FSTL1: variants seen among roughly 807,000 people sequenced by gnomAD.
FSTL1 encodes the protein follistatin-related protein 1.
In FSTL1, 24 loss-of-function variants were observed where a neutral mutation model predicts 45.9. The ratio of observed to expected loss-of-function variants is 0.52; its 90% confidence interval spans 0.38 to 0.74. The LOEUF (loss-of-function observed/expected upper bound fraction) is 0.74. FSTL1 is among the 30% of genes least tolerant of loss of function. FSTL1 has a pLI of 0.00. For missense variants in FSTL1, 340 were observed against 381.8 expected (o/e 0.89, Z 0.91); for synonymous variants, 120 against 137.6 (o/e 0.87, Z 0.89).
At chr3:120,398,694 AAACT>A (rs1936756569) in intron 10 of FSTL1, among the ~76,000 whole-genome samples, 1 of 152,162 alleles carries the variant, frequency 6.6e-6, no homozygotes, top group Admixed American at 6.5e-5. Context: ...CTTCCCAAAT[AAACT>A]ATGTGTACTT....
At chr3:120,446,181 G>T (rs1414251816) in intron 2 of FSTL1, among the ~76,000 whole-genome samples, 1 of 152,198 alleles carries the variant, frequency 6.6e-6, no homozygotes, top group Admixed American at 6.5e-5. Context: ...TGTGATCACT[G>T]GTAATTTACA....
chr3:120,434,638 C>T (rs1329829562), intron 2 of FSTL1, among the ~76,000 whole-genome samples: 1 of 152,186 alleles, frequency 6.6e-6, no homozygotes, highest in Non-Finnish European at 1.5e-5. Context: ...AACTCTGGAA[C>T]ATCCTCTAAC....
chr3:120,404,743 C>A, intron 7 of FSTL1, 110 bp downstream of exon 7: 1 of 710,008 alleles, frequency 1.4e-6, no homozygotes. Context: ...TTGCTTTTTA[C>A]GTGACATTCT....
intron 2 of FSTL1, among the ~76,000 whole-genome samples, chr3:120,418,791 G>A (rs892896519): frequency 6.6e-6 from 1 of 152,140 alleles, no homozygotes; most frequent in African/African-American, 2.4e-5. Context: ...TTGTTGTGAG[G>A]ATTAAACGGG....
intron 6 of FSTL1, among the ~76,000 whole-genome samples, chr3:120,408,109 C>T (rs866682515): frequency 2.3e-4 from 35 of 152,262 alleles, no homozygotes; most frequent in African/African-American, 8.2e-4. Context: ...AAAGTCACTG[C>T]TCACACACAG....
At chr3:120,428,648 C>T (rs1379143258) in intron 2 of FSTL1, among the ~76,000 whole-genome samples, 2 of 152,116 alleles carry the variant, frequency 1.3e-5, no homozygotes, top group African/African-American at 2.4e-5. Flanking sequence ...GCACGAGAAT[C>T]GCTTGAACCT....
chr3:120,396,873 A>G lies in FSTL1; in HGVS notation c.*79T>C. The G allele has an allele frequency of 1.0e-6, 1 of 973,864 alleles. No individual in the cohort carries two copies. The highest frequency in any genetic ancestry group is 2.4e-5 in the East Asian group (1 of 41,976). 60.3% of individuals were successfully genotyped at this position (973,864 alleles called of 1,614,324 possible). A position where few individuals can be genotyped will look rare whatever the true frequency, so the allele number is the denominator to read the frequency against. On this transcript the variant is annotated 3_prime_UTR_variant, in exon 11 of 11. Transcript: ENST00000295633. ...CAAATACTGGTGATTTGGCGACTGT[A>G]GCAGACACTTGTGTATACTGAACTC... is the stretch of plus-strand genomic sequence containing the variant.
chr3:120,436,792 T>G (rs1045340135), intron 2 of FSTL1, among the ~76,000 whole-genome samples: 1 of 152,160 alleles, frequency 6.6e-6, no homozygotes, highest in African/African-American at 2.4e-5. Flanking sequence ...TGTAGCACCA[T>G]AATTATAGCA....
chr3:120,445,174 T>A (rs147964791), intron 2 of FSTL1, among the ~76,000 whole-genome samples: 2 of 150,066 alleles, frequency 1.3e-5, no homozygotes, highest in African/African-American at 5.1e-5. Context: ...TAAAGTTTAC[T>A]AAAATGGATT....
At chr3:120,442,817 T>TAAGACAAAGAATCCA (rs1937653114) in intron 2 of FSTL1, among the ~76,000 whole-genome samples, 17 of 128,058 alleles carry the variant, frequency 1.3e-4, no homozygotes, top group African/African-American at 6.1e-4. Flanking sequence ...AAAAGCAGAC[T>TAAGACAAAGAATCCA]TGGAGACACC....
chr3:120,412,028 GACACACAGACACACAC>G, intron 3 of FSTL1, 45 bp from the exon 4 acceptor site: 1 of 1,498,826 alleles, frequency 6.7e-7, no homozygotes, highest in Non-Finnish European at 9.2e-7. Context: ...TATGGATATC[GACACACAGACACACAC>G]ACACACATAC....
At chr3:120,432,091 C>G (rs529605051) in intron 2 of FSTL1, among the ~76,000 whole-genome samples, 1 of 152,278 alleles carries the variant, frequency 6.6e-6, no homozygotes, top group South Asian at 2.1e-4. Context: ...CTTCTCTTAG[C>G]TAAATATGCT....
intron 3 of FSTL1, among the ~76,000 whole-genome samples, chr3:120,413,748 T>A (rs1197513199): frequency 6.7e-6 from 1 of 148,254 alleles, no homozygotes; most frequent in Non-Finnish European, 1.5e-5. Flanking sequence ...TCAAAGGCTC[T>A]CTTTGTTTTT....
intron 3 of FSTL1, among the ~76,000 whole-genome samples, chr3:120,413,481 A>G (rs1937111298): frequency 6.6e-6 from 1 of 152,066 alleles, no homozygotes. Flanking sequence ...GTGGCCAGGT[A>G]CACTGCCAGT....
chr3:120,428,000 T>C (rs1488409158), intron 2 of FSTL1, among the ~76,000 whole-genome samples: 1 of 151,692 alleles, frequency 6.6e-6, no homozygotes, highest in Non-Finnish European at 1.5e-5. Flanking sequence ...AATGGGCTTA[T>C]TATCTGAGGC....
chr3:120,403,437 AC>A lies in FSTL1; in HGVS notation c.582-84del, dbSNP rs1936867696. 3.8e-6 allele frequency: 3 copies of A among 793,714 alleles called. No homozygotes were observed. The African/African-American group carries it at 5.2e-5, about 14-fold the overall frequency. The allele number at this position is 793,714 out of a possible 1,614,324, so 49.2% of individuals were successfully genotyped here. A position where few individuals can be genotyped will look rare whatever the true frequency, so the allele number is the denominator to read the frequency against. ...GGAAGTAAGCATCAGGACCACATACACCCAGGGCCTCCACAGGAGGCCAAGA... is the reference window on the plus strand; with the variant it reads ...GGAAGTAAGCATCAGGACCACATACACCAGGGCCTCCACAGGAGGCCAAGA... On this transcript the variant is annotated intron_variant, in intron 7 of 10. Coordinates refer to ENST00000295633, the MANE Select transcript of FSTL1 (RefSeq NM_007085.5).
At chr3:120,425,495 A>G (rs539553039) in intron 2 of FSTL1, among the ~76,000 whole-genome samples, 2 of 152,282 alleles carry the variant, frequency 1.3e-5, no homozygotes, top group East Asian at 3.9e-4. Context: ...CCCTGGATAT[A>G]TCTCTGCCTC....
At chr3:120,415,134 A>C (rs1052257595) in intron 3 of FSTL1, among the ~76,000 whole-genome samples, 2 of 151,718 alleles carry the variant, frequency 1.3e-5, no homozygotes, top group Non-Finnish European at 2.9e-5. Flanking sequence ...AAAAAAAAAA[A>C]ACATTAAAAA....
intron 2 of FSTL1, among the ~76,000 whole-genome samples, chr3:120,448,363 A>C (rs1937805539): frequency 6.6e-6 from 1 of 152,214 alleles, no homozygotes; most frequent in African/African-American, 2.4e-5. Context: ...AAGCACCATT[A>C]ACTACAAGAT....
Sources: allele counts gnomAD v4.1 joint callset (sites outside exome capture counted in the v4.1 genomes callset), GRCh38; gene constraint gnomAD v4.1.1; transcripts MANE v1.5; gene names NCBI Gene and HGNC (gene_info 2026-07-23, HGNC 2026-07-21).